ST8SIA5: variants seen among roughly 807,000 people sequenced by gnomAD.
ST8SIA5 encodes ST8 alpha-N-acetyl-neuraminide alpha-2,8-sialyltransferase 5.
ST8SIA5 carries 24 observed loss-of-function variants against 40.2 expected under a neutral mutation model. The ratio of observed to expected loss-of-function variants is 0.60; its 90% CI spans 0.43 to 0.84. The LOEUF (loss-of-function observed/expected upper bound fraction) is 0.84, where lower values mean the gene tolerates loss of function less well. Ranked by LOEUF, ST8SIA5 falls within the 40% of genes least tolerant of loss-of-function variation. The probability of loss-of-function intolerance (pLI) is 0.00; values close to 1 mark genes in which losing one functional copy is unlikely to be tolerated. For synonymous variants in ST8SIA5, 198 were observed against 201.8 expected, an observed-to-expected ratio of 0.98 and a Z score of 0.16; for missense variants, 465 against 498.5, an observed-to-expected ratio of 0.93 and a Z score of 0.64.
At chr18:46,683,006 G>A (rs926742107) in intron 5 of ST8SIA5, among the ~76,000 whole-genome samples, 3 of 152,210 alleles carry the variant, frequency 2.0e-5, no homozygotes, top group African/African-American at 7.2e-5. Flanking sequence ...TAAAATCTGT[G>A]TTGTTTAAAC....
Position 46,718,157 on chromosome 18 carries a change from C to T in ST8SIA5, c.132-13493G>A, listed in dbSNP as rs561210375. Reference sequence around the variant, plus strand: ...AAGCCTGGCCAACACAGTGAAACCCCGTCTCTACTAAAAATTACAAAAATT... The same window carrying T: ...AAGCCTGGCCAACACAGTGAAACCCTGTCTCTACTAAAAATTACAAAAATT... On this transcript the variant is annotated intron_variant, in intron 1 of 6. Coordinates refer to ENST00000315087, the MANE Select transcript of ST8SIA5 (RefSeq NM_013305.6). Among the ~76,000 whole-genome samples the T allele has an allele frequency of 5.3e-5, 8 of 152,060 alleles. No individual in the cohort carries two copies. The South Asian group carries it at 6.2e-4, about 12-fold the overall frequency.
Position 46,670,700 on chromosome 18 carries a change from G to A in ST8SIA5, c.*9342C>T, listed in dbSNP as rs979273415. On this transcript the variant is annotated 3_prime_UTR_variant, in exon 7 of 7. Transcript: ENST00000315087. Reference sequence around the variant, plus strand: ...TCCCGCCTCAGCCTCCCAAAATGCTGGGATTACAGATGTGAGCCACCATGC... The same window carrying A: ...TCCCGCCTCAGCCTCCCAAAATGCTAGGATTACAGATGTGAGCCACCATGC... 6.6e-6 allele frequency: 1 copy of A among 152,052 alleles called. No individual in the cohort carries two copies. The allele number at this position is 152,052 out of a possible 1,614,324, so 9.4% of individuals were successfully genotyped here.
At chr18:46,730,070 G>T in intron 1 of ST8SIA5, 1 of 667,366 alleles carries the variant, frequency 1.5e-6, no homozygotes, top group Non-Finnish European at 1.9e-6. Flanking sequence ...GAAGGTTCTG[G>T]ATAAGAAGGT....
Position 46,725,986 on chromosome 18 carries a change from T to A in ST8SIA5, c.132-21322A>T, listed in dbSNP as rs1474690127. ...AAAAAAAAAAAAATATATATATATA[T>A]ATATATATATATATATATATATATC... On this transcript the variant is annotated intron_variant, in intron 1 of 6. Coordinates refer to ENST00000315087, the MANE Select transcript of ST8SIA5 (RefSeq NM_013305.6). 2.3e-3 allele frequency among the ~76,000 whole-genome samples: 124 copies of A among 52,980 alleles called. 6 individuals are homozygous for A. Among genetic ancestry groups the A allele is most frequent in the South Asian group, 0.015 (19 of 1,290 alleles). The allele number at this position is 52,980 out of a possible 152,430, so 34.8% of individuals were successfully genotyped here.
intron 2 of ST8SIA5, among the ~76,000 whole-genome samples, chr18:46,701,814 C>T (rs898592069): frequency 2.6e-5 from 4 of 152,128 alleles, no homozygotes; most frequent in Non-Finnish European, 5.9e-5. Context: ...CTGTCCAGAC[C>T]TTCAAGGAAC....
intron 1 of ST8SIA5, among the ~76,000 whole-genome samples, chr18:46,737,295 A>G (rs568885586): frequency 3.2e-4 from 48 of 152,208 alleles, no homozygotes; most frequent in African/African-American, 1.2e-3. Flanking sequence ...TCTGAAACCT[A>G]CAAGATTTAT....
rs2039347831 is a variant in ST8SIA5, at chr18:46,677,503, T to C, written c.*2539A>G. ...CTAGTATAATGAGAAATATTAATTA[T>C]GGTTTAGATCCATTCATCATGAATG... On this transcript the variant is annotated 3_prime_UTR_variant, in exon 7 of 7. Coordinates refer to ENST00000315087, the MANE Select transcript of ST8SIA5 (RefSeq NM_013305.6). The C allele has an allele frequency of 6.6e-6, 1 of 152,242 alleles. No individual in the cohort carries two copies. Among genetic ancestry groups the C allele is most frequent in the South Asian group, 2.1e-4 (1 of 4,836 alleles). The allele number at this position is 152,242 out of a possible 1,614,324, so 9.4% of individuals were successfully genotyped here.
chr18:46,670,316 A>C lies in ST8SIA5; in HGVS notation c.*9726T>G, dbSNP rs2039301363. The C allele has an allele frequency of 6.6e-6, 1 of 152,246 alleles. No individual in the cohort carries two copies. The highest frequency in any genetic ancestry group is 6.5e-5 in the Admixed American group (1 of 15,288). 9.4% of individuals were successfully genotyped at this position (152,246 alleles called of 1,614,324 possible). On this transcript the variant is annotated 3_prime_UTR_variant, in exon 7 of 7. Coordinates refer to ENST00000315087, the MANE Select transcript of ST8SIA5 (RefSeq NM_013305.6). ...TTTACCTCTGCATGTCCTGGATGTC[A>C]CAGGGTGAACTGAGCTGAAATGCTG...
At position 46,679,814 on chromosome 18, in the gene ST8SIA5, G is replaced by C. The variant is rs1230159062; in HGVS notation, c.*228C>G. On this transcript the variant is annotated 3_prime_UTR_variant, in exon 7 of 7. Transcript: ENST00000315087. ...TAGCCAGGGCAGGTGGACGCACTGG[G>C]CGGATGCACCGGTGGGGGCCAGGCC... 1.7e-6 allele frequency: 1 copy of C among 575,692 alleles called. No individual in the cohort carries two copies. Among genetic ancestry groups the C allele is most frequent in the African/African-American group, 1.9e-5 (1 of 53,444 alleles). The allele number at this position is 575,692 out of a possible 1,614,324, so 35.7% of individuals were successfully genotyped here.
intron 4 of ST8SIA5, 70 bp downstream of exon 4, chr18:46,688,705 A>G (rs1320488047): frequency 1.9e-6 from 3 of 1,545,648 alleles, no homozygotes; most frequent in Non-Finnish European, 2.6e-6. Context: ...CCCCAGGGAC[A>G]TTGCCACGGA....
chr18:46,729,572 G>C (rs749764390), intron 1 of ST8SIA5, among the ~76,000 whole-genome samples: 3 of 152,150 alleles, frequency 2.0e-5, no homozygotes, highest in Non-Finnish European at 4.4e-5. Flanking sequence ...GGTGTTAGAG[G>C]TGTTGCCAGG....
chr18:46,756,268 C>CCCA, intron 1 of ST8SIA5, 110 bp downstream of exon 1: 1 of 1,468,798 alleles, frequency 6.8e-7, no homozygotes, highest in Non-Finnish European at 9.2e-7. Context: ...AGGAGCGGAC[C>CCCA]CCACGGCCAC....
intron 2 of ST8SIA5, 145 bp downstream of exon 2, chr18:46,704,427 T>G: frequency 1.4e-6 from 1 of 708,310 alleles, no homozygotes; most frequent in East Asian, 2.5e-5. Flanking sequence ...TGCCAGTGGC[T>G]CTGGGGAAGG....
At chr18:46,738,240 A>G (rs2040053725) in intron 1 of ST8SIA5, among the ~76,000 whole-genome samples, 1 of 122,752 alleles carries the variant, frequency 8.1e-6, no homozygotes, top group African/African-American at 3.2e-5. Context: ...ATCCCTGGAA[A>G]ATAGAAATGT....
chr18:46,681,470 A>G (rs1279643412), intron 6 of ST8SIA5, among the ~76,000 whole-genome samples: 1 of 152,144 alleles, frequency 6.6e-6, no homozygotes, highest in Non-Finnish European at 1.5e-5. Context: ...TAGGGTTTCA[A>G]CACTTCCCCT....
intron 1 of ST8SIA5, among the ~76,000 whole-genome samples, chr18:46,706,763 T>C (rs1380714192): frequency 1.3e-5 from 2 of 152,156 alleles, no homozygotes; most frequent in Non-Finnish European, 2.9e-5. Context: ...TCAGACCTGT[T>C]ATAGGGGAAG....
intron 1 of ST8SIA5, among the ~76,000 whole-genome samples, chr18:46,720,282 C>A (rs1172359903): frequency 2.6e-5 from 4 of 152,174 alleles, no homozygotes; most frequent in African/African-American, 9.7e-5. Flanking sequence ...GGAGGCTCAG[C>A]TTCCCAGGAC....
chr18:46,708,140 T>C (rs946696513), intron 1 of ST8SIA5, among the ~76,000 whole-genome samples: 6 of 152,126 alleles, frequency 3.9e-5, no homozygotes, highest in African/African-American at 1.2e-4. Context: ...CCCTCTGTCC[T>C]CTTTGTCCCG....
chr18:46,674,439 A>C lies in ST8SIA5; in HGVS notation c.*5603T>G, dbSNP rs1190101552. On this transcript the variant is annotated 3_prime_UTR_variant, in exon 7 of 7. Transcript: ENST00000315087. Reference sequence around the variant, plus strand: ...CTGCCTTCCTGGGATGTGCTAGGTAAAAAAATCAATAGAGGACTCTCCTCA... The same window carrying C: ...CTGCCTTCCTGGGATGTGCTAGGTACAAAAATCAATAGAGGACTCTCCTCA... The C allele has an allele frequency of 2.6e-5, 4 of 152,168 alleles. No individual in the cohort carries two copies. The highest frequency in any genetic ancestry group is 7.2e-5 in the African/African-American group (3 of 41,432). The allele number at this position is 152,168 out of a possible 1,614,324, so 9.4% of individuals were successfully genotyped here. A position where few individuals can be genotyped will look rare whatever the true frequency, so the allele number is the denominator to read the frequency against.
Sources: allele counts gnomAD v4.1 joint callset (sites outside exome capture counted in the v4.1 genomes callset), GRCh38; gene constraint gnomAD v4.1.1; transcripts MANE v1.5; gene names NCBI Gene and HGNC (gene_info 2026-07-23, HGNC 2026-07-21).